ZFP64: variants seen among roughly 807,000 people sequenced by gnomAD.
ZFP64 encodes ZFP64 zinc finger protein.
A neutral mutation model predicts 51.6 loss-of-function variants in ZFP64; 14 were observed. That is an observed-to-expected ratio of 0.27 (90% CI 0.18 to 0.42). The LOEUF (loss-of-function observed/expected upper bound fraction) is 0.42, where lower values mean the gene tolerates loss of function less well. ZFP64 is among the 10% of genes least tolerant of loss of function. The pLI is 1.00. For missense variants in ZFP64, 754 were observed against 906.8 expected, an observed-to-expected ratio of 0.83 and a Z score of 2.16; for synonymous variants, 375 against 361.4, an observed-to-expected ratio of 1.04 and a Z score of -0.43.
At chr20:52,104,530 C>A (rs2079089086) in intron 5 of ZFP64, 7 of 362,012 alleles carry the variant, frequency 1.9e-5, no homozygotes, top group Non-Finnish European at 3.8e-5. Flanking sequence ...CCGTCCCCCG[C>A]CCCCCACCGT....
intron 5 of ZFP64, chr20:52,110,334 G>C (rs1314401405): frequency 4.0e-6 from 2 of 496,142 alleles, no homozygotes; most frequent in Non-Finnish European, 7.2e-6. Flanking sequence ...GAAAACCATA[G>C]AGAGCCTTTT....
At chr20:52,130,342 T>G (rs1435508732) in intron 5 of ZFP64, among the ~76,000 whole-genome samples, 1 of 152,196 alleles carries the variant, frequency 6.6e-6, no homozygotes, top group African/African-American at 2.4e-5. Flanking sequence ...GCCTCCAAAG[T>G]AGCTGAGACT....
At chr20:52,108,544 T>C (rs1235264266) in intron 5 of ZFP64, among the ~76,000 whole-genome samples, 1 of 152,064 alleles carries the variant, frequency 6.6e-6, no homozygotes, top group Non-Finnish European at 1.5e-5. Flanking sequence ...GTTTCACTCT[T>C]GTTGCCCAGG....
At chr20:52,173,671 A>G (rs1377986083) in intron 2 of ZFP64, among the ~76,000 whole-genome samples, 1 of 148,822 alleles carries the variant, frequency 6.7e-6, no homozygotes, top group Non-Finnish European at 1.5e-5. Flanking sequence ...TTTTTTTGAG[A>G]CGGAGTCTGG....
chr20:52,140,321 A>C (rs1047658243), intron 5 of ZFP64, among the ~76,000 whole-genome samples: 1 of 152,240 alleles, frequency 6.6e-6, no homozygotes, highest in Non-Finnish European at 1.5e-5. Flanking sequence ...AGGCATGTTG[A>C]AAGCCAAGAC....
chr20:52,158,433 C>T (rs944651782), intron 5 of ZFP64, among the ~76,000 whole-genome samples: 20 of 152,296 alleles, frequency 1.3e-4, no homozygotes, highest in South Asian at 8.3e-4. Context: ...CAGCCCAGCG[C>T]GGTGGCTAAC....
chr20:52,160,113 C>T lies in ZFP64; in HGVS notation c.763+10G>A, dbSNP rs368102980. 9 of 1,614,194 alleles carry T rather than the reference C, an allele frequency of 5.6e-6. No homozygotes were observed. Among genetic ancestry groups the T allele is most frequent in the Non-Finnish European group, 7.6e-6 (9 of 1,180,048 alleles). The stretch of plus-strand genomic sequence containing the variant: ...AGGAGCGTAGAGAGCAAATAACAGG[C>T]AGGACTCACCCGTGTGGGATCGCAG... On this transcript the variant is annotated intron_variant, in intron 5 of 5. Coordinates refer to ENST00000216923, the MANE Select transcript of ZFP64 (RefSeq NM_018197.3). The surrounding 1 kb of genome is among the most constrained non-coding windows in gnomAD (Gnocchi z 4.2).
chr20:52,089,197 G>C, intron 7 of ZFP64: 1 of 271,540 alleles, frequency 3.7e-6, no homozygotes, highest in South Asian at 3.6e-5. Flanking sequence ...CTTCCAGGCT[G>C]ATCATATCCA....
chr20:52,105,003 A>G, intron 5 of ZFP64: 1 of 1,134,660 alleles, frequency 8.8e-7, no homozygotes, highest in Non-Finnish European at 1.2e-6. Context: ...TCCGAGTCCC[A>G]GGACTCTGCG....
At chr20:52,178,480 G>GT (rs2123100653) in intron 2 of ZFP64, among the ~76,000 whole-genome samples, 1 of 152,270 alleles carries the variant, frequency 6.6e-6, no homozygotes, top group South Asian at 2.1e-4. Context: ...TGAGCACTGT[G>GT]TAAGAATTTG....
intron 2 of ZFP64, among the ~76,000 whole-genome samples, chr20:52,181,801 G>C (rs1437173353): frequency 1.3e-5 from 2 of 152,192 alleles, no homozygotes; most frequent in African/African-American, 2.4e-5. Context: ...AAGCTCCCAG[G>C]GGATCTTGGT....
chr20:52,171,404 TGTATGC>T (rs1342962035), intron 2 of ZFP64, among the ~76,000 whole-genome samples: 1 of 152,068 alleles, frequency 6.6e-6, no homozygotes, highest in East Asian at 1.9e-4. Context: ...TATGCGTATG[TGTATGC>T]GTATGTGTAT....
intron 7 of ZFP64, among the ~76,000 whole-genome samples, chr20:52,093,106 A>T (rs1160763488): frequency 6.6e-6 from 1 of 152,050 alleles, no homozygotes; most frequent in Non-Finnish European, 1.5e-5. Context: ...TCTCTTGCTC[A>T]AGATACACTG....
At chr20:52,159,205 T>A (rs1210587661) in intron 5 of ZFP64, among the ~76,000 whole-genome samples, 1 of 152,252 alleles carries the variant, frequency 6.6e-6, no homozygotes, top group Non-Finnish European at 1.5e-5. Flanking sequence ...ATTTCATGGT[T>A]GTTACTGCAG....
intron 5 of ZFP64, among the ~76,000 whole-genome samples, chr20:52,100,663 G>A (rs2079040998): frequency 6.6e-6 from 1 of 152,210 alleles, no homozygotes; most frequent in Non-Finnish European, 1.5e-5. Flanking sequence ...GTTTGTGCGG[G>A]TGAAGGAATC....
chr20:52,097,924 C>T (rs1180147246), intron 6 of ZFP64, among the ~76,000 whole-genome samples: 1 of 151,506 alleles, frequency 6.6e-6, no homozygotes, highest in Non-Finnish European at 1.5e-5. Flanking sequence ...AAAAATTAGC[C>T]AGACATGGTG....
Position 52,129,649 on chromosome 20 carries a change from C to T in ZFP64, c.763+30474G>A, listed in dbSNP as rs537291351. On this transcript the variant is annotated intron_variant, in intron 5 of 8. Coordinates refer to the ZFP64 transcript ENST00000361387. ...GACTCAGCTCAGGTGCTGGTCACCC[C>T]GGCCCTGGCCCATTTCAGCCTCTTG... Among the ~76,000 whole-genome samples, 20 of 152,270 alleles carry T rather than the reference C, an allele frequency of 1.3e-4. 1 individual carries two copies. The highest frequency in any genetic ancestry group is 1.5e-4 in the Non-Finnish European group (10 of 68,022).
In ZFP64 at chr20:52,165,959, T is replaced by C. The variant is rs1982231945; in HGVS notation, c.353A>G (p.Asn118Ser). 1 of 1,613,926 alleles carries C rather than the reference T, an allele frequency of 6.2e-7. No homozygotes were observed. Among genetic ancestry groups the C allele is most frequent in the Non-Finnish European group, 8.5e-7 (1 of 1,180,010 alleles). ...QTYLPTESNE[N>S]QTATVISLPA... ...GAGAGAGATGACAGTGGCTGTCTGG[T>C]TTTCATTACTTTCCGTGGGCAGGTA... Residue 118 changes from asparagine to serine, a missense_variant, in exon 3 of 6, where the codon AAC (asparagine) becomes AGC (serine). Asn to Ser is a conservative substitution (Grantham distance 46, BLOSUM62 1). Coordinates refer to ENST00000216923, the MANE Select transcript of ZFP64 (RefSeq NM_018197.3).
At chr20:52,158,438 G>A (rs543422426) in intron 5 of ZFP64, among the ~76,000 whole-genome samples, 28 of 152,220 alleles carry the variant, frequency 1.8e-4, no homozygotes, top group Non-Finnish European at 3.8e-4. Flanking sequence ...CAGCGCGGTG[G>A]CTAACACCTG....
Sources: gnomAD v4.1 joint callset for allele counts (sites outside exome capture counted in the v4.1 genomes callset) on GRCh38, gnomAD v4.1.1 for gene constraint, Gnocchi (gnomAD v3.1) non-coding constraint, MANE v1.5 for transcripts, NCBI Gene and HGNC (gene_info 2026-07-23, HGNC 2026-07-21) for gene names.